SYNPR: variants seen among roughly 807,000 people sequenced by gnomAD.
SYNPR encodes the protein synaptoporin.
SYNPR carries 23 observed loss-of-function variants against 32.9 expected under a neutral mutation model. The observed-to-expected ratio is 0.70, with a 90% CI of 0.50 to 0.99. The LOEUF (loss-of-function observed/expected upper bound fraction) is 0.99, where lower values mean the gene tolerates loss of function less well. SYNPR is among the 50% of genes least tolerant of loss of function. SYNPR has a pLI of 0.00. For synonymous variants in SYNPR, 146 were observed against 135.9 expected (o/e 1.07, Z -0.52); for missense variants, 318 against 349.3 (o/e 0.91, Z 0.71).
chr3:63,492,835 T>G (rs967561630), intron 3 of SYNPR, among the ~76,000 whole-genome samples: 2 of 152,154 alleles, frequency 1.3e-5, no homozygotes, highest in Middle Eastern at 3.4e-3. Context: ...TAAGTTCTAG[T>G]TTTTTCCTTA....
chr3:63,267,707 A>G (rs1451494229), intron 3 of SYNPR, among the ~76,000 whole-genome samples: 1 of 152,218 alleles, frequency 6.6e-6, no homozygotes, highest in Non-Finnish European at 1.5e-5. Context: ...GCTGCAGAAT[A>G]GGGGAAGATT....
chr3:63,509,394 A>G (rs1358031499), intron 3 of SYNPR, among the ~76,000 whole-genome samples: 1 of 151,784 alleles, frequency 6.6e-6, no homozygotes, highest in Non-Finnish European at 1.5e-5. Flanking sequence ...TTATAGCCTG[A>G]AAAACATCTC....
chr3:63,408,381 A>AAAGG (rs1560221351), intron 2 of SYNPR, among the ~76,000 whole-genome samples: 2 of 149,072 alleles, frequency 1.3e-5, no homozygotes. Flanking sequence ...AGAAAGAAAG[A>AAAGG]AAAGGAAGGA....
intron 3 of SYNPR, among the ~76,000 whole-genome samples, chr3:63,489,638 C>T (rs537836002): frequency 1.9e-4 from 29 of 152,192 alleles, no homozygotes; most frequent in Non-Finnish European, 3.7e-4. Context: ...GAAGTAGACA[C>T]GACTGCTTCC....
At chr3:63,262,568 A>G (rs2086448071) in intron 2 of SYNPR, among the ~76,000 whole-genome samples, 1 of 152,164 alleles carries the variant, frequency 6.6e-6, no homozygotes, top group Admixed American at 6.6e-5. Context: ...GCAGGGTGTT[A>G]CCTGGGCCCA....
chr3:63,373,520 G>T (rs543483323), intron 2 of SYNPR, among the ~76,000 whole-genome samples: 47 of 152,022 alleles, frequency 3.1e-4, no homozygotes, highest in Non-Finnish European at 6.0e-4. Context: ...CTCAGTCAGA[G>T]AAAAATAAAG....
At chr3:63,288,971 A>G (rs779299173) in intron 2 of SYNPR, among the ~76,000 whole-genome samples, 5 of 152,236 alleles carry the variant, frequency 3.3e-5, no homozygotes, top group Middle Eastern at 3.2e-3. Context: ...CTTTTCAGCC[A>G]TGGAACACAG....
At chr3:63,245,327 T>C (rs1192940894) in intron 1 of SYNPR, among the ~76,000 whole-genome samples, 1 of 122,190 alleles carries the variant, frequency 8.2e-6, no homozygotes, top group Non-Finnish European at 1.9e-5. Flanking sequence ...AGAAATGTTA[T>C]TTTTATTTAA....
chr3:63,256,816 A>C (rs981883360), intron 2 of SYNPR, among the ~76,000 whole-genome samples: 5 of 152,108 alleles, frequency 3.3e-5, no homozygotes, highest in African/African-American at 1.2e-4. Context: ...AGTTAAAAAC[A>C]TTGAAAAAAA....
At chr3:63,439,003 C>A (rs934154238) in intron 2 of SYNPR, among the ~76,000 whole-genome samples, 4 of 151,818 alleles carry the variant, frequency 2.6e-5, no homozygotes, top group African/African-American at 7.3e-5. Context: ...CTCCCACTGG[C>A]CAGCAGACAG....
chr3:63,223,956 T>C (rs1171063810), upstream of SYNPR, among the ~76,000 whole-genome samples: 1 of 152,052 alleles, frequency 6.6e-6, no homozygotes, highest in Non-Finnish European at 1.5e-5. Context: ...TATCTTCTTG[T>C]TGCATAAATA....
intron 2 of SYNPR, among the ~76,000 whole-genome samples, chr3:63,408,340 G>GA (rs1245377062): frequency 2.8e-5 from 4 of 141,488 alleles, no homozygotes; most frequent in African/African-American, 5.9e-5. Context: ...AAGAAAGAAA[G>GA]AAAGAAAGAA....
Position 63,606,417 on chromosome 3 carries a change from C to CTTTTTTTTTTTTTTTTTTTTTTTTTTTT in SYNPR, c.409-2686_409-2685insTTTTTTTTTTTTTTTTTTTTTTTTTTTT, listed in dbSNP as rs61299069. 4.0e-4 allele frequency among the ~76,000 whole-genome samples: 27 copies of CTTTTTTTTTTTTTTTTTTTTTTTTTTTT among 68,294 alleles called. 7 individuals are homozygous for CTTTTTTTTTTTTTTTTTTTTTTTTTTTT. The highest frequency in any genetic ancestry group is 8.2e-4 in the East Asian group (2 of 2,436). 44.8% of individuals were successfully genotyped at this position (68,294 alleles called of 152,430 possible). ...AATTAAGCAGGACCTCAAATCCTTTCTTTTTTTTTTTTTTTTTTTTTTAGC... is the reference window on the plus strand; with the variant it reads ...AATTAAGCAGGACCTCAAATCCTTTCTTTTTTTTTTTTTTTTTTTTTTTTTTTTTTTTTTTTTTTTTTTTTTTTTTAGC... On this transcript the variant is annotated intron_variant, in intron 4 of 5. Coordinates refer to ENST00000478300, the MANE Select transcript of SYNPR (RefSeq NM_001130003.2).
chr3:63,351,783 A>G (rs2087513062), intron 2 of SYNPR, among the ~76,000 whole-genome samples: 2 of 152,322 alleles, frequency 1.3e-5, no homozygotes, highest in African/African-American at 4.8e-5. Context: ...ACGGGGATGG[A>G]GTGGTGACAA....
chr3:63,237,073 G>A (rs75660977), intron 1 of SYNPR, among the ~76,000 whole-genome samples: 10,052 of 152,078 alleles, frequency 0.066, 490 homozygotes, highest in Middle Eastern at 0.12. Context: ...AATGGGTTAG[G>A]TTTTTGGGGT....
chr3:63,345,585 G>T (rs2087426869), intron 2 of SYNPR, among the ~76,000 whole-genome samples: 1 of 152,072 alleles, frequency 6.6e-6, no homozygotes, highest in South Asian at 2.1e-4. Flanking sequence ...AAGAAGCTGG[G>T]ACCTCACTTT....
intron 2 of SYNPR, among the ~76,000 whole-genome samples, chr3:63,393,978 G>A (rs548204091): frequency 1.1e-4 from 16 of 152,122 alleles, no homozygotes; most frequent in African/African-American, 3.9e-4. Flanking sequence ...TTTACATGCT[G>A]TACTCACTTT....
chr3:63,549,279 A>C (rs1230559062), intron 3 of SYNPR, among the ~76,000 whole-genome samples: 4 of 152,236 alleles, frequency 2.6e-5, no homozygotes, highest in Non-Finnish European at 5.9e-5. Flanking sequence ...TATTCAGTAC[A>C]GACTATCAGT....
chr3:63,546,946 A>G (rs1702415550), intron 3 of SYNPR, among the ~76,000 whole-genome samples: 1 of 152,142 alleles, frequency 6.6e-6, no homozygotes, highest in Non-Finnish European at 1.5e-5. Context: ...GTCTAGGAAA[A>G]TGATTCTGGC....
Sources: gnomAD v4.1 joint callset for allele counts (sites outside exome capture counted in the v4.1 genomes callset) on GRCh38, gnomAD v4.1.1 for gene constraint, MANE v1.5 for transcripts, NCBI Gene and HGNC (gene_info 2026-07-23, HGNC 2026-07-21) for gene names.